Variants in RAPGEF4 observed in about 807,000 individuals in gnomAD.
RAPGEF4 encodes the protein RAP guanine-nucleotide-exchange factor (GEF) 4.
A neutral mutation model predicts 147.9 loss-of-function variants in RAPGEF4; 66 were observed. The observed-to-expected ratio is 0.45, with a 90% CI of 0.37 to 0.55. The LOEUF is 0.55. Ranked by LOEUF, RAPGEF4 falls within the 20% of genes least tolerant of loss-of-function variation. The pLI is 0.00. For synonymous variants in RAPGEF4, 419 were observed against 442.7 expected (o/e 0.95, Z 0.67); for missense variants, 1,071 against 1,257.3 (o/e 0.85, Z 2.24).
intron 4 of RAPGEF4, among the ~76,000 whole-genome samples, chr2:172,882,730 A>G (rs796794834): frequency 5.9e-5 from 9 of 152,302 alleles, no homozygotes; most frequent in African/African-American, 2.2e-4. Flanking sequence ...GCTATAATGT[A>G]AAGTTGAAAA....
At chr2:172,891,560 A>G (rs1252897733) in intron 4 of RAPGEF4, among the ~76,000 whole-genome samples, 2 of 152,206 alleles carry the variant, frequency 1.3e-5, no homozygotes, top group Non-Finnish European at 2.9e-5. Context: ...GACTGATTCT[A>G]AGAAACAAAG....
chr2:173,037,363 G>A (rs1268136467), intron 29 of RAPGEF4, among the ~76,000 whole-genome samples: 1 of 152,134 alleles, frequency 6.6e-6, no homozygotes, highest in Non-Finnish European at 1.5e-5. Context: ...TGGGATTACA[G>A]GCATCAGCCA....
chr2:173,002,691 C>A (rs1482647456), intron 17 of RAPGEF4, among the ~76,000 whole-genome samples: 1 of 150,246 alleles, frequency 6.7e-6, no homozygotes, highest in Non-Finnish European at 1.5e-5. Context: ...AATTACCCTA[C>A]CTGATTCTCA....
At chr2:172,996,756 C>T (rs1181192299) in intron 16 of RAPGEF4, among the ~76,000 whole-genome samples, 3 of 152,226 alleles carry the variant, frequency 2.0e-5, no homozygotes, top group Admixed American at 6.5e-5. Context: ...TGACTGTTCT[C>T]TAGAAATGAC....
rs1365610837 is a variant in RAPGEF4 at position 172,819,632 on chromosome 2, AT to A, written c.444+5213del. 4.6e-5 allele frequency among the ~76,000 whole-genome samples: 7 copies of A among 150,900 alleles called. No homozygotes were observed. The East Asian group carries it at 1.4e-3, about 29-fold the overall frequency. On this transcript the variant is annotated intron_variant, in intron 4 of 30. Transcript: ENST00000397081. ...AGGCGCCCGCCACTACGCCCGGCTA[AT>A]TTTTTGTATTTTTAGTAGAGACGGG...
chr2:172,919,573 C>T (rs1684494246), intron 5 of RAPGEF4, among the ~76,000 whole-genome samples: 1 of 152,070 alleles, frequency 6.6e-6, no homozygotes, highest in African/African-American at 2.4e-5. Flanking sequence ...CTTCTTTTCT[C>T]TTTCCTTCTC....
chr2:172,788,225 C>T (rs7598352), intron 1 of RAPGEF4, among the ~76,000 whole-genome samples: 6 of 152,244 alleles, frequency 3.9e-5, no homozygotes, highest in South Asian at 2.1e-4. Context: ...ATATAAATTT[C>T]GGGGACTTAG....
At chr2:172,892,212 C>T (rs1262372122) in intron 4 of RAPGEF4, among the ~76,000 whole-genome samples, 1 of 152,138 alleles carries the variant, frequency 6.6e-6, no homozygotes, top group East Asian at 1.9e-4. Context: ...GAACTCTGTC[C>T]CTGAGGTCCA....
intron 4 of RAPGEF4, among the ~76,000 whole-genome samples, chr2:172,828,455 C>A (rs999822154): frequency 2.0e-5 from 3 of 152,182 alleles, no homozygotes; most frequent in African/African-American, 7.2e-5. Flanking sequence ...CCCTTTGGAG[C>A]CTCCTGGCCT....
At chr2:173,037,994 G>A (rs928967971) in intron 29 of RAPGEF4, among the ~76,000 whole-genome samples, 3 of 152,110 alleles carry the variant, frequency 2.0e-5, no homozygotes, top group Non-Finnish European at 2.9e-5. Flanking sequence ...CATTCAGCCC[G>A]GGGAATGCGC....
intron 10 of RAPGEF4, among the ~76,000 whole-genome samples, chr2:172,980,150 A>T (rs55919010): frequency 0.022 from 3,385 of 152,302 alleles, 84 homozygotes; most frequent in Non-Finnish European, 0.028. Flanking sequence ...GATGCCTGGG[A>T]TAGCTGGAGA....
At chr2:172,880,594 A>G (rs1264132453) in intron 4 of RAPGEF4, among the ~76,000 whole-genome samples, 1 of 152,246 alleles carries the variant, frequency 6.6e-6, no homozygotes, top group Non-Finnish European at 1.5e-5. Flanking sequence ...AGGGAAATGT[A>G]TAGAAGCACG....
chr2:172,941,699 C>T (rs979593457), intron 6 of RAPGEF4, among the ~76,000 whole-genome samples: 1 of 152,140 alleles, frequency 6.6e-6, no homozygotes, highest in Non-Finnish European at 1.5e-5. Context: ...TAGGAGTAAA[C>T]CAGCAAGGAG....
At chr2:172,965,409 G>C in intron 8 of RAPGEF4, 153 bp from the exon 9 acceptor site, 1 of 847,212 alleles carries the variant, frequency 1.2e-6, no homozygotes, top group Middle Eastern at 3.6e-4. Flanking sequence ...TTGAGAACCT[G>C]AAGCTACCGC....
intron 4 of RAPGEF4, among the ~76,000 whole-genome samples, chr2:172,885,614 A>G (rs1004621906): frequency 6.6e-6 from 1 of 152,196 alleles, no homozygotes; most frequent in Admixed American, 6.5e-5. Flanking sequence ...TGAGAGCCAA[A>G]TGAAAGGGGT....
chr2:173,027,227 G>A lies in RAPGEF4; in HGVS notation c.2526G>A (p.Gln842=), dbSNP rs780476103. Residue 842 remains glutamine (Q), a synonymous_variant, in exon 25 of 31, where the codon CAG becomes CAA. Transcript: ENST00000397081. The stretch of plus-strand genomic sequence containing the variant: ...GTTCTCAGCTCAGCAAGCGTGTTCA[G>A]CTATTAAAAAAATTTATTAAGATAG... ...CLCSQLSKRV[Q]LLKKFIKIAA... 6.1e-5 allele frequency: 97 copies of A among 1,598,068 alleles called. No individual in the cohort carries two copies. The highest frequency in any genetic ancestry group is 8.1e-5 in the Non-Finnish European group (95 of 1,175,960).
chr2:172,925,583 TCTGTAC>T (rs1294953520), intron 6 of RAPGEF4, among the ~76,000 whole-genome samples: 3 of 61,586 alleles, frequency 4.9e-5, no homozygotes, highest in Non-Finnish European at 6.9e-5. Flanking sequence ...TGAGACTCTG[TCTGTAC>T]ACACACACAC....
chr2:172,856,113 A>G (rs2060517965), intron 4 of RAPGEF4, among the ~76,000 whole-genome samples: 1 of 152,072 alleles, frequency 6.6e-6, no homozygotes, highest in Non-Finnish European at 1.5e-5. Context: ...ATATGCTGTT[A>G]TATCCCATTG....
chr2:172,941,359 T>C (rs906973462), intron 6 of RAPGEF4, among the ~76,000 whole-genome samples: 3 of 152,216 alleles, frequency 2.0e-5, no homozygotes, highest in Admixed American at 6.6e-5. Flanking sequence ...TAGTCCTTAA[T>C]TCTGGTGCAG....
Sources: allele counts gnomAD v4.1 joint callset (sites outside exome capture counted in the v4.1 genomes callset), GRCh38; gene constraint gnomAD v4.1.1; transcripts MANE v1.5; gene names NCBI Gene and HGNC (gene_info 2026-07-23, HGNC 2026-07-21).